The following ADAMTSL1 variants were observed in gnomAD, a reference collection of about 807,000 sequenced individuals.
ADAMTSL1 encodes the protein ADAMTS like 1.
Under a neutral mutation model 201.8 loss-of-function variants are expected in ADAMTSL1, and 126 were observed. The observed-to-expected ratio is 0.62, with a 90% CI of 0.54 to 0.72. ADAMTSL1 has a LOEUF of 0.72. Ranked by LOEUF, ADAMTSL1 falls within the 30% of genes least tolerant of loss-of-function variation. ADAMTSL1 has a pLI of 0.00. For synonymous variants in ADAMTSL1, 1,121 were observed against 903.4 expected, an observed-to-expected ratio of 1.24 and a Z score of -4.32; for missense variants, 2,679 against 2,277.8, an observed-to-expected ratio of 1.18 and a Z score of -3.59.
intron 4 of ADAMTSL1, among the ~76,000 whole-genome samples, chr9:18,613,620 A>T (rs1825518485): frequency 6.6e-6 from 1 of 152,136 alleles, no homozygotes. Flanking sequence ...GAACAAAAAC[A>T]AAAAACAAAC....
intron 23 of ADAMTSL1, among the ~76,000 whole-genome samples, chr9:18,886,811 C>T (rs554664715): frequency 3.3e-5 from 5 of 152,222 alleles, no homozygotes; most frequent in African/African-American, 7.2e-5. Context: ...AGGGGGTATA[C>T]ACAAACCCTC....
chr9:18,106,447 G>C (rs906458845), intron 1 of ADAMTSL1, among the ~76,000 whole-genome samples: 2 of 152,162 alleles, frequency 1.3e-5, no homozygotes, highest in Non-Finnish European at 2.9e-5. Flanking sequence ...TGAGGCCATG[G>C]GTTTTTCAGG....
At chr9:18,829,770 A>G in intron 22 of ADAMTSL1, 73 bp from the exon 23 acceptor site, 2 of 1,584,670 alleles carry the variant, frequency 1.3e-6, no homozygotes, top group South Asian at 1.1e-5. Context: ...ACACATGCAT[A>G]CCCACCTCTT....
At chr9:18,828,128 G>T (rs940995755) in intron 22 of ADAMTSL1, among the ~76,000 whole-genome samples, 2 of 152,200 alleles carry the variant, frequency 1.3e-5, no homozygotes, top group Non-Finnish European at 2.9e-5. Context: ...TATTCATTAA[G>T]TGTTGCCATT....
chr9:18,275,976 A>C (rs1300783077), intron 2 of ADAMTSL1, among the ~76,000 whole-genome samples: 1 of 152,074 alleles, frequency 6.6e-6, no homozygotes, highest in East Asian at 1.9e-4. Flanking sequence ...TTGCATTTCC[A>C]CCAGCAATAT....
intron 2 of ADAMTSL1, among the ~76,000 whole-genome samples, chr9:18,350,038 C>G (rs976892444): frequency 2.6e-5 from 4 of 151,856 alleles, no homozygotes; most frequent in African/African-American, 4.8e-5. Context: ...CGGGCCTGAG[C>G]ACAGCCAGAA....
At chr9:18,193,107 T>TA (rs1340270639) in intron 2 of ADAMTSL1, among the ~76,000 whole-genome samples, 6 of 152,032 alleles carry the variant, frequency 3.9e-5, no homozygotes, top group Admixed American at 3.9e-4. Context: ...TTGGGCTAAA[T>TA]AAATAAATAA....
intron 23 of ADAMTSL1, among the ~76,000 whole-genome samples, chr9:18,875,059 G>A (rs1177744649): frequency 2.0e-5 from 3 of 152,010 alleles, no homozygotes; most frequent in Admixed American, 6.6e-5. Context: ...ATGTAAAGCT[G>A]TTCATAGTAG....
chr9:18,150,732 A>G (rs1795272094), intron 1 of ADAMTSL1, among the ~76,000 whole-genome samples: 2 of 151,300 alleles, frequency 1.3e-5, no homozygotes, highest in Admixed American at 6.6e-5. Context: ...AAATAATGGA[A>G]TGAGATCCCT....
At chr9:18,432,538 A>G (rs534718994) in intron 2 of ADAMTSL1, among the ~76,000 whole-genome samples, 1 of 152,288 alleles carries the variant, frequency 6.6e-6, no homozygotes, top group African/African-American at 2.4e-5. Flanking sequence ...ACATTATTCT[A>G]TCTTTCCCAT....
chr9:18,645,512 A>G (rs1368635016), intron 7 of ADAMTSL1, among the ~76,000 whole-genome samples: 3 of 150,570 alleles, frequency 2.0e-5, no homozygotes, highest in African/African-American at 7.3e-5. Flanking sequence ...TAGGGTTTTT[A>G]TGGTTTTAGG....
chr9:18,541,642 C>A (rs956219785), intron 3 of ADAMTSL1, among the ~76,000 whole-genome samples: 1 of 152,144 alleles, frequency 6.6e-6, no homozygotes, highest in Non-Finnish European at 1.5e-5. Context: ...AACATGGGCC[C>A]TCTTGAATCC....
At chr9:18,818,225 C>G (rs1823985891) in intron 21 of ADAMTSL1, among the ~76,000 whole-genome samples, 2 of 152,044 alleles carry the variant, frequency 1.3e-5, no homozygotes, top group African/African-American at 2.4e-5. Flanking sequence ...GATTGCTGTC[C>G]TCATCAGATA....
chr9:18,220,841 C>A (rs1417908474), intron 2 of ADAMTSL1, among the ~76,000 whole-genome samples: 1 of 151,668 alleles, frequency 6.6e-6, no homozygotes, highest in Non-Finnish European at 1.5e-5. Flanking sequence ...GTGGCATGAT[C>A]TAGGCTCACT....
chr9:18,447,830 T>C (rs1221927010), intron 2 of ADAMTSL1, among the ~76,000 whole-genome samples: 1 of 152,252 alleles, frequency 6.6e-6, no homozygotes, highest in South Asian at 2.1e-4. Flanking sequence ...CTGGTGACAG[T>C]AGCTCTTTGA....
At chr9:18,477,994 A>T (rs1245657968) in intron 1 of ADAMTSL1, among the ~76,000 whole-genome samples, 1 of 152,208 alleles carries the variant, frequency 6.6e-6, no homozygotes, top group East Asian at 1.9e-4. Flanking sequence ...TTTGAGAGAC[A>T]AAGAGAATGA....
intron 2 of ADAMTSL1, among the ~76,000 whole-genome samples, chr9:18,435,495 G>A (rs1490841948): frequency 1.3e-5 from 2 of 152,172 alleles, no homozygotes; most frequent in Non-Finnish European, 2.9e-5. Context: ...ACACTACTAT[G>A]AGAATATATA....
chr9:18,102,497 A>G (rs1051086039), intron 1 of ADAMTSL1, among the ~76,000 whole-genome samples: 15 of 152,350 alleles, frequency 9.8e-5, no homozygotes, highest in African/African-American at 3.6e-4. Context: ...TGGTTCAGTT[A>G]GTTAGTGGTC....
intron 2 of ADAMTSL1, among the ~76,000 whole-genome samples, chr9:18,200,718 A>C (rs1160443866): frequency 1.3e-5 from 2 of 152,160 alleles, no homozygotes; most frequent in Non-Finnish European, 2.9e-5. Context: ...TTTCCAAATG[A>C]GTTATGTTTA....
Sources: gnomAD v4.1 joint callset for allele counts (sites outside exome capture counted in the v4.1 genomes callset) on GRCh38, gnomAD v4.1.1 for gene constraint, MANE v1.5 for transcripts, NCBI Gene and HGNC (gene_info 2026-07-23, HGNC 2026-07-21) for gene names.